LIN54: variants seen among roughly 807,000 people sequenced by gnomAD.
LIN54 encodes lin-54 DREAM MuvB core complex component.
Under a neutral mutation model 78.7 loss-of-function variants are expected in LIN54, and 9 were observed. The observed-to-expected ratio is 0.11, with a 90% CI of 0.07 to 0.20. LIN54 has a LOEUF of 0.20. Among genes scored for constraint, LIN54 ranks in the 10% least tolerant of loss-of-function variants. LIN54 has a pLI of 1.00. For missense variants in LIN54, 573 were observed against 889.9 expected (o/e 0.64, Z 4.53); for synonymous variants, 269 against 318.4 (o/e 0.84, Z 1.65).
intron 4 of LIN54, among the ~76,000 whole-genome samples, chr4:82,956,179 G>C (rs1407347270): frequency 1.3e-5 from 2 of 152,050 alleles, no homozygotes; most frequent in East Asian, 3.9e-4. Context: ...TTGAACTCCT[G>C]ATCTCAGGAG....
intron 4 of LIN54, among the ~76,000 whole-genome samples, chr4:82,969,779 T>C (rs1032653271): frequency 1.3e-5 from 2 of 152,216 alleles, no homozygotes; most frequent in African/African-American, 4.8e-5. Flanking sequence ...CTGTATGTTT[T>C]AGGAAAGTGA....
At chr4:82,939,180 G>C (rs1452533052) in intron 7 of LIN54, among the ~76,000 whole-genome samples, 1 of 151,996 alleles carries the variant, frequency 6.6e-6, no homozygotes. Flanking sequence ...CAAGTCAGTG[G>C]CATCAAATTT....
At chr4:82,991,223 G>C (rs887710693) in intron 1 of LIN54, among the ~76,000 whole-genome samples, 1 of 149,870 alleles carries the variant, frequency 6.7e-6, no homozygotes, top group Non-Finnish European at 1.5e-5. Flanking sequence ...ATTTATGTTA[G>C]CAATGTTGTG....
chr4:82,974,534 C>T (rs1024757834), intron 3 of LIN54, among the ~76,000 whole-genome samples: 2 of 151,850 alleles, frequency 1.3e-5, no homozygotes, highest in South Asian at 2.1e-4. Context: ...GTCAGGAGTC[C>T]GAGACCAGCC....
At chr4:83,011,811 TAA>T (rs70943185), upstream of LIN54, among the ~76,000 whole-genome samples, 40 of 135,672 alleles carry the variant, frequency 2.9e-4, no homozygotes, top group Admixed American at 4.4e-4. Context: ...AGATCAGCAT[TAA>T]AAAAAAAAAA....
At chr4:82,933,753 T>C (rs1722160299) in intron 11 of LIN54, among the ~76,000 whole-genome samples, 1 of 152,228 alleles carries the variant, frequency 6.6e-6, no homozygotes, top group African/African-American at 2.4e-5. Flanking sequence ...GGTAGGGCTG[T>C]CTCTTCTAAC....
chr4:82,999,777 C>CCAAA (rs1553959088), intron 1 of LIN54, among the ~76,000 whole-genome samples: 1 of 92,238 alleles, frequency 1.1e-5, no homozygotes. Flanking sequence ...GACTCTGTCT[C>CCAAA]AAAAAAAAAA....
intron 4 of LIN54, among the ~76,000 whole-genome samples, chr4:82,959,935 T>G (rs1724652882): frequency 6.6e-6 from 1 of 152,238 alleles, no homozygotes; most frequent in Non-Finnish European, 1.5e-5. Context: ...GAAAAAATTA[T>G]TCTTAATTAT....
At chr4:83,012,126 G>C (rs1729886838), upstream of LIN54, 1 of 676,080 alleles carries the variant, frequency 1.5e-6, no homozygotes, top group Non-Finnish European at 1.8e-6. Context: ...ACCAGATGCT[G>C]AGAGTATAAA....
At chr4:82,965,243 A>G (rs1336639504) in intron 4 of LIN54, among the ~76,000 whole-genome samples, 1 of 152,230 alleles carries the variant, frequency 6.6e-6, no homozygotes, top group Non-Finnish European at 1.5e-5. Flanking sequence ...GCTTAGTTGC[A>G]TATCTAATAA....
chr4:82,942,405 A>G (rs991711204), intron 5 of LIN54, among the ~76,000 whole-genome samples: 5 of 152,184 alleles, frequency 3.3e-5, no homozygotes, highest in African/African-American at 1.2e-4. Flanking sequence ...GTATACATGA[A>G]TTACATCTCA....
intron 1 of LIN54, among the ~76,000 whole-genome samples, chr4:83,009,951 G>C (rs1729717673): frequency 6.6e-6 from 1 of 152,204 alleles, no homozygotes; most frequent in Non-Finnish European, 1.5e-5. Context: ...AAATATAACT[G>C]AGAGTATCTC....
chr4:82,942,006 T>G (rs1239199640), intron 5 of LIN54, among the ~76,000 whole-genome samples: 4 of 152,162 alleles, frequency 2.6e-5, no homozygotes, highest in Non-Finnish European at 5.9e-5. Context: ...AGAAATGACA[T>G]CTCTTCAGGT....
chr4:82,956,787 CT>C (rs779763614), intron 4 of LIN54, among the ~76,000 whole-genome samples: 17 of 151,738 alleles, frequency 1.1e-4, no homozygotes, highest in Non-Finnish European at 2.4e-4. Flanking sequence ...AGTCTTTCTT[CT>C]TTTTCTTAAA....
In LIN54 at chr4:82,926,469, C is replaced by T. The variant is rs1383727221; in HGVS notation, c.*1633G>A. On this transcript the variant is annotated 3_prime_UTR_variant, in exon 13 of 13. Coordinates refer to ENST00000340417, the MANE Select transcript of LIN54 (RefSeq NM_194282.4). The stretch of plus-strand genomic sequence containing the variant: ...CTTAATTTCTATTGCCTATATCTTG[C>T]ATGTTCATATGAACATATATACACA... The T allele has an allele frequency of 6.6e-6, 1 of 152,510 alleles. No individual in the cohort carries two copies. 9.4% of individuals were successfully genotyped at this position (152,510 alleles called of 1,614,324 possible). A position where few individuals can be genotyped will look rare whatever the true frequency, so the allele number is the denominator to read the frequency against.
intron 1 of LIN54, among the ~76,000 whole-genome samples, chr4:83,008,835 A>C (rs1729627521): frequency 6.6e-6 from 1 of 152,208 alleles, no homozygotes; most frequent in Non-Finnish European, 1.5e-5. Flanking sequence ...TGGTCTTTAA[A>C]GACAATCACA....
At chr4:82,933,076 C>G (rs138189340) in intron 11 of LIN54, among the ~76,000 whole-genome samples, 236 of 151,892 alleles carry the variant, frequency 1.6e-3, no homozygotes, top group African/African-American at 5.5e-3. Context: ...ATAAATTCCA[C>G]TTACCAAAGG....
At chr4:82,979,861 C>T (rs745364362) in intron 2 of LIN54, among the ~76,000 whole-genome samples, 7 of 140,818 alleles carry the variant, frequency 5.0e-5, no homozygotes, top group Non-Finnish European at 1.1e-4. Flanking sequence ...TGCTTGAACC[C>T]GGGAGCAGAG....
chr4:82,966,678 G>A (rs1560753526), intron 4 of LIN54, among the ~76,000 whole-genome samples: 2 of 152,060 alleles, frequency 1.3e-5, no homozygotes, highest in Non-Finnish European at 2.9e-5. Context: ...GAGTGCAGTG[G>A]CACAATCTCA....
Sources: allele counts gnomAD v4.1 joint callset (sites outside exome capture counted in the v4.1 genomes callset), GRCh38; gene constraint gnomAD v4.1.1; transcripts MANE v1.5; gene names NCBI Gene and HGNC (gene_info 2026-07-23, HGNC 2026-07-21).